STOX2: variants seen among roughly 807,000 people sequenced by gnomAD.
The protein encoded by STOX2 is storkhead box 2.
In STOX2, 28 loss-of-function variants were observed where a neutral mutation model predicts 60.9. That is an observed-to-expected ratio of 0.46 (90% CI 0.34 to 0.63). STOX2 has a LOEUF of 0.63. Among genes scored for constraint, STOX2 ranks in the 30% least tolerant of loss-of-function variants. The pLI, the probability that STOX2 is intolerant of heterozygous loss-of-function variation, is 0.01. For missense variants in STOX2, 1,024 were observed against 1,187.7 expected (o/e 0.86, Z 2.03); for synonymous variants, 472 against 463.9 (o/e 1.02, Z -0.22).
intron 1 of STOX2, among the ~76,000 whole-genome samples, chr4:183,819,119 C>T (rs568696424): frequency 3.3e-5 from 5 of 151,778 alleles, no homozygotes; most frequent in Admixed American, 6.5e-5. Context: ...CAGGCAGAGA[C>T]GCTCCTCACT....
intron 1 of STOX2, among the ~76,000 whole-genome samples, chr4:183,955,520 GTCC>G (rs1431746193): frequency 6.6e-6 from 1 of 152,150 alleles, no homozygotes; most frequent in Non-Finnish European, 1.5e-5. Flanking sequence ...AGAGCGCCCT[GTCC>G]TCCTCCTCTG....
chr4:183,916,039 G>A (rs1400317773), intron 1 of STOX2, among the ~76,000 whole-genome samples: 1 of 152,254 alleles, frequency 6.6e-6, no homozygotes, highest in Non-Finnish European at 1.5e-5. Flanking sequence ...TTACATGGAG[G>A]GCAGGGGCCA....
chr4:184,010,011 C>T lies in STOX2; in HGVS notation c.1173C>T (p.Ile391=). 1 of 1,613,844 alleles carries T rather than the reference C, an allele frequency of 6.2e-7. No homozygotes were observed. The highest frequency in any genetic ancestry group is 8.5e-7 in the Non-Finnish European group (1 of 1,179,842). ...GDPSDGSHLD[I]PAEREYDFCD... The stretch of plus-strand genomic sequence containing the variant: ...CTTCCGACGGTTCACATCTGGATAT[C>T]CCAGCTGAAAGAGAGTATGACTTTT... Residue 391 remains isoleucine (I), a synonymous_variant, in exon 3 of 4, where the codon ATC becomes ATT. Transcript: ENST00000308497. The surrounding 1 kb of genome is among the most constrained non-coding windows in gnomAD (Gnocchi z 4.5).
intron 1 of STOX2, among the ~76,000 whole-genome samples, chr4:183,946,565 A>G (rs561222818): frequency 1.3e-5 from 2 of 148,860 alleles, no homozygotes; most frequent in African/African-American, 5.2e-5. Flanking sequence ...TGCTGAACAC[A>G]TATGGACTTT....
upstream of STOX2, among the ~76,000 whole-genome samples, chr4:183,905,080 A>C (rs935205710): frequency 6.6e-6 from 1 of 152,254 alleles, no homozygotes; most frequent in African/African-American, 2.4e-5. Context: ...ACTGTACCAA[A>C]GCATTTTTGA....
intron 1 of STOX2, among the ~76,000 whole-genome samples, chr4:183,838,944 G>A (rs929619076): frequency 6.6e-6 from 1 of 152,164 alleles, no homozygotes; most frequent in Non-Finnish European, 1.5e-5. Context: ...ATCACTGATT[G>A]TGCTAGCCAG....
Position 183,981,851 on chromosome 4 carries a change from A to G in STOX2, c.167-19474A>G, listed in dbSNP as rs1171629244. 2.0e-5 allele frequency among the ~76,000 whole-genome samples: 3 copies of G among 152,308 alleles called. No individual in the cohort carries two copies. In the East Asian group the frequency reaches 5.8e-4, roughly 29 times the overall value. ...TTTGGGAGGCCGAGGCAGGGGAATC[A>G]CTCGAACCCAGGAGGTAGAGAGGGT... On this transcript the variant is annotated intron_variant, in intron 1 of 3. Transcript: ENST00000308497.
chr4:183,850,360 A>G (rs983533668), intron 1 of STOX2, among the ~76,000 whole-genome samples: 3 of 152,222 alleles, frequency 2.0e-5, no homozygotes, highest in African/African-American at 7.2e-5. Flanking sequence ...TCCATCCTTA[A>G]GACAAGGATT....
At chr4:183,917,835 G>A (rs997767515) in intron 1 of STOX2, among the ~76,000 whole-genome samples, 6 of 152,200 alleles carry the variant, frequency 3.9e-5, no homozygotes, top group African/African-American at 1.4e-4. Flanking sequence ...TCATACATTG[G>A]TGCTGGCACC....
At chr4:183,924,180 C>T (rs1032392786) in intron 1 of STOX2, among the ~76,000 whole-genome samples, 29 of 152,318 alleles carry the variant, frequency 1.9e-4, no homozygotes, top group African/African-American at 7.0e-4. Flanking sequence ...ACACCTTCAG[C>T]AAACCAGCGT....
At chr4:183,954,532 C>G (rs4861595) in intron 1 of STOX2, among the ~76,000 whole-genome samples, 4,483 of 152,090 alleles carry the variant, frequency 0.029, 132 homozygotes, top group East Asian at 0.096. Context: ...TAGTGATCCA[C>G]CCTCCTCGGC....
chr4:184,005,737 G>A (rs552145241), intron 2 of STOX2, among the ~76,000 whole-genome samples: 32 of 152,234 alleles, frequency 2.1e-4, no homozygotes, highest in Admixed American at 1.2e-3. Flanking sequence ...GCAGAACCCT[G>A]AATTTCACAA....
At chr4:183,917,449 G>T (rs569272052) in intron 1 of STOX2, among the ~76,000 whole-genome samples, 34 of 152,254 alleles carry the variant, frequency 2.2e-4, no homozygotes, top group Non-Finnish European at 4.4e-4. Context: ...AAACGTCTAA[G>T]ATAAAACTTC....
chr4:183,846,490 C>T (rs185319533), intron 1 of STOX2, among the ~76,000 whole-genome samples: 7 of 152,214 alleles, frequency 4.6e-5, no homozygotes, highest in Admixed American at 3.3e-4. Flanking sequence ...TGGGTAATCT[C>T]GATTGACCTA....
intron 1 of STOX2, among the ~76,000 whole-genome samples, chr4:183,955,320 C>T (rs1326177010): frequency 6.6e-6 from 1 of 152,224 alleles, no homozygotes; most frequent in Non-Finnish European, 1.5e-5. Context: ...TTTCCTTACA[C>T]AGCCATTCGT....
intron 1 of STOX2, among the ~76,000 whole-genome samples, chr4:183,951,177 T>C (rs185596898): frequency 1.2e-4 from 18 of 145,962 alleles, no homozygotes; most frequent in Non-Finnish European, 2.4e-4. Context: ...ATCGCGCCAC[T>C]GCACTCCAGC....
chr4:183,835,355 C>G (rs991726164), intron 1 of STOX2, among the ~76,000 whole-genome samples: 1 of 151,580 alleles, frequency 6.6e-6, no homozygotes, highest in African/African-American at 2.4e-5. Context: ...TCCCGAGTAG[C>G]TGGGACTACA....
At chr4:183,980,936 A>G (rs547572111) in intron 1 of STOX2, among the ~76,000 whole-genome samples, 35 of 152,310 alleles carry the variant, frequency 2.3e-4, no homozygotes, top group African/African-American at 8.2e-4. Flanking sequence ...GGACAAAGTC[A>G]CTCAGTTTCT....
At chr4:183,871,861 C>T (rs1740701121) in intron 1 of STOX2, among the ~76,000 whole-genome samples, 1 of 151,986 alleles carries the variant, frequency 6.6e-6, no homozygotes, top group African/African-American at 2.4e-5. Context: ...AAATATGCAG[C>T]TATAATTCAC....
Sources: allele counts gnomAD v4.1 joint callset (sites outside exome capture counted in the v4.1 genomes callset), GRCh38; gene constraint gnomAD v4.1.1; non-coding constraint Gnocchi (gnomAD v3.1); transcripts MANE v1.5; gene names NCBI Gene and HGNC (gene_info 2026-07-23, HGNC 2026-07-21).